LRCH2: variants seen among roughly 807,000 people sequenced by gnomAD.
LRCH2 encodes the protein leucine rich repeats and calponin homology domain containing 2.
A neutral mutation model predicts 68.9 loss-of-function variants in LRCH2; 38 were observed. The ratio of observed to expected loss-of-function variants is 0.55; its 90% CI spans 0.43 to 0.72. The LOEUF is 0.72. LRCH2 is among the 30% of genes least tolerant of loss of function. The pLI is 0.00. For synonymous variants in LRCH2, 191 were observed against 208.1 expected, an observed-to-expected ratio of 0.92 and a Z score of 0.71; for missense variants, 528 against 572.9, an observed-to-expected ratio of 0.92 and a Z score of 0.80.
Position 115,113,188 on chromosome X carries a change from T to C in LRCH2, c.*28A>G. On this transcript the variant is annotated 3_prime_UTR_variant, in exon 21 of 21. Transcript: ENST00000317135. ...TGAAATCACTTCAAATAAATGAAAC[T>C]ATACACTTAGAATTTTAAAATGTTA... The C allele has an allele frequency of 8.8e-7, 1 of 1,135,968 alleles. No individual in the cohort carries two copies. Among genetic ancestry groups the C allele is most frequent in the Non-Finnish European group, 1.2e-6 (1 of 848,213 alleles). The allele number at this position is 1,135,968 out of a possible 1,213,427, so 93.6% of individuals were successfully genotyped here.
chrX:115,141,868 C>A, intron 14 of LRCH2, among the ~76,000 whole-genome samples: 2 of 85,041 alleles, frequency 2.4e-5, no homozygotes, highest in African/African-American at 4.7e-5. Flanking sequence ...AGGAAGACTC[C>A]ACCAAAAAAA....
intron 1 of LRCH2, chrX:115,190,455 T>A: frequency 8.6e-7 from 1 of 1,167,100 alleles, no homozygotes; most frequent in Non-Finnish European, 1.1e-6. Flanking sequence ...ACTCGCCCGA[T>A]GCCTGCAGTG....
At chrX:115,118,296 G>C (rs2072102189) in intron 20 of LRCH2, among the ~76,000 whole-genome samples, 1 of 110,419 alleles carries the variant, frequency 9.1e-6, no homozygotes, top group Non-Finnish European at 1.9e-5. Flanking sequence ...AAAAAAGAGA[G>C]AAGAATCAAA....
chrX:115,137,317 T>G (rs1394615906), intron 14 of LRCH2, among the ~76,000 whole-genome samples: 1 of 110,178 alleles, frequency 9.1e-6, no homozygotes, highest in Non-Finnish European at 1.9e-5. Context: ...GTGATGGGAA[T>G]GAGGGCATCC....
chrX:115,187,652 A>G, intron 2 of LRCH2, among the ~76,000 whole-genome samples: 1 of 112,410 alleles, frequency 8.9e-6, no homozygotes, highest in South Asian at 3.6e-4. Context: ...ATATGGGTAA[A>G]GCGTTTGGAA....
chrX:115,182,241 A>T (rs1488796928), intron 3 of LRCH2, among the ~76,000 whole-genome samples: 17 of 111,819 alleles, frequency 1.5e-4, no homozygotes, highest in African/African-American at 5.2e-4. Flanking sequence ...TAATGTAATT[A>T]AAAACGTAGG....
At chrX:115,152,908 T>C (rs1264206755) in intron 12 of LRCH2, among the ~76,000 whole-genome samples, 1 of 110,618 alleles carries the variant, frequency 9.0e-6, no homozygotes, top group African/African-American at 3.3e-5. Flanking sequence ...AAGAATATTC[T>C]CATAGAAAAC....
chrX:115,197,847 T>TCTCTCTCTCTCACACACACA lies in LRCH2; in HGVS notation c.350-9478_350-9477insTGTGTGTGTGAGAGAGAGAG, dbSNP rs782358260. Reference sequence around the variant, plus strand: ...CTCTCTCTCTCTCTCTCTCTCTCTCTCACACACACACACACACACACACAC... The same window carrying TCTCTCTCTCTCACACACACA: ...CTCTCTCTCTCTCTCTCTCTCTCTCTCTCTCTCTCTCACACACACACACACACACACACACACACACACAC... On this transcript the variant is annotated intron_variant, in intron 1 of 20. Transcript: ENST00000317135. Among the ~76,000 whole-genome samples the TCTCTCTCTCTCACACACACA allele has an allele frequency of 2.1e-3, 44 of 20,565 alleles. 2 individuals are homozygous for TCTCTCTCTCTCACACACACA. Among genetic ancestry groups the TCTCTCTCTCTCACACACACA allele is most frequent in the East Asian group, 0.011 (7 of 640 alleles). 17.9% of individuals were successfully genotyped at this position (20,565 alleles called of 115,157 possible).
At chrX:115,192,539 G>A (rs1470349991) in intron 1 of LRCH2, 32 of 1,168,076 alleles carry the variant, frequency 2.7e-5, no homozygotes, top group Non-Finnish European at 3.5e-5. Context: ...GAAACGGGCA[G>A]CCCTCCCCTG....
At chrX:115,121,631 C>A (rs181933400) in intron 20 of LRCH2, among the ~76,000 whole-genome samples, 213 of 112,173 alleles carry the variant, frequency 1.9e-3, no homozygotes, top group Middle Eastern at 0.014. Context: ...CCAGCCTGGG[C>A]GACAGCGTGA....
At chrX:115,200,716 T>C (rs1210123031) in intron 1 of LRCH2, among the ~76,000 whole-genome samples, 1 of 109,974 alleles carries the variant, frequency 9.1e-6, no homozygotes, top group Non-Finnish European at 1.9e-5. Flanking sequence ...CCAAATTCTA[T>C]CAAATATAAA....
Position 115,149,883 on chromosome X carries a change from T to G in LRCH2, c.1639A>C (p.Ile547Leu). 8.3e-7 allele frequency: 1 copy of G among 1,206,591 alleles called. No individual in the cohort carries two copies. Among genetic ancestry groups the G allele is most frequent in the Non-Finnish European group, 1.1e-6 (1 of 892,002 alleles). Residue 547 changes from isoleucine to leucine, a missense_variant, in exon 14 of 21, where the codon ATC (isoleucine) becomes CTC (leucine). Ile to Leu is a conservative substitution (Grantham distance 5). Coordinates refer to ENST00000317135, the MANE Select transcript of LRCH2 (RefSeq NM_020871.4). ...CGCCTCCTTTCTTCACTCTGCCAGATTATAGGGTGAGATTCTGGCCACGGT... is the reference window on the plus strand; with the variant it reads ...CGCCTCCTTTCTTCACTCTGCCAGAGTATAGGGTGAGATTCTGGCCACGGT... ...EQPWPESHPIIWQSEERRRSK... is the reference protein window; with the variant it reads ...EQPWPESHPILWQSEERRRSK...
At chrX:115,135,175 G>A (rs2072279231) in intron 14 of LRCH2, among the ~76,000 whole-genome samples, 1 of 99,367 alleles carries the variant, frequency 1.0e-5, no homozygotes, top group Non-Finnish European at 2.0e-5. Flanking sequence ...TGGCTGGAGT[G>A]CAGTGTCGTG....
In LRCH2 at chrX:115,171,270, G is replaced by C. The variant is rs1460170919; in HGVS notation, c.865-838C>G. ...ACATTAAAAAGCAATTATCATTCCA[G>C]GTCCAAAGGAAGAATGTTTCTTAGA... On this transcript the variant is annotated intron_variant, in intron 5 of 20. Coordinates refer to ENST00000317135, the MANE Select transcript of LRCH2 (RefSeq NM_020871.4). Among the ~76,000 whole-genome samples the C allele has an allele frequency of 3.6e-5, 4 of 111,381 alleles. No individual in the cohort carries two copies. In the Admixed American group the frequency reaches 3.8e-4, roughly 11 times the overall value.
At chrX:115,229,300 C>G (rs1301081343) in intron 1 of LRCH2, among the ~76,000 whole-genome samples, 1 of 111,447 alleles carries the variant, frequency 9.0e-6, no homozygotes, top group Non-Finnish European at 1.9e-5. Context: ...AACCTAGGCT[C>G]TGACCCACAC....
chrX:115,128,031 T>C (rs1214277096), intron 15 of LRCH2, among the ~76,000 whole-genome samples: 1 of 111,602 alleles, frequency 9.0e-6, no homozygotes, highest in Non-Finnish European at 1.9e-5. Context: ...GCAGTGAGAA[T>C]GGACTAGAGA....
At chrX:115,154,713 T>C (rs1444868494) in intron 12 of LRCH2, among the ~76,000 whole-genome samples, 1 of 111,859 alleles carries the variant, frequency 8.9e-6, no homozygotes, top group African/African-American at 3.2e-5. Flanking sequence ...TGATAATGTA[T>C]AGTGTTAACA....
Position 115,110,722 on chromosome X carries a change from TACAA to T in LRCH2, c.*2490_*2493del. On this transcript the variant is annotated 3_prime_UTR_variant, in exon 21 of 21. Transcript: ENST00000317135. ...GCAATTATGATAGATCTGTGACCAA[TACAA>T]ACATTTCTGATTTATTCAAAAAATT... 8.9e-6 allele frequency: 1 copy of T among 112,247 alleles called. No homozygotes were observed. Among genetic ancestry groups the T allele is most frequent in the Admixed American group, 9.5e-5 (1 of 10,518 alleles). 9.3% of individuals were successfully genotyped at this position (112,247 alleles called of 1,213,427 possible). A position where few individuals can be genotyped will look rare whatever the true frequency, so the allele number is the denominator to read the frequency against.
chrX:115,199,337 C>T (rs781853159), intron 1 of LRCH2, among the ~76,000 whole-genome samples: 10 of 111,793 alleles, frequency 8.9e-5, no homozygotes, highest in Non-Finnish European at 1.9e-4. Flanking sequence ...GAATTAAATG[C>T]CCCATTTAAA....
Sources: allele counts gnomAD v4.1 joint callset (sites outside exome capture counted in the v4.1 genomes callset), GRCh38; gene constraint gnomAD v4.1.1; transcripts MANE v1.5; gene names NCBI Gene and HGNC (gene_info 2026-07-23, HGNC 2026-07-21).